Variants in ACSS3 observed in about 807,000 individuals in gnomAD.
ACSS3 encodes the protein acyl-CoA synthetase short chain family member 3.
ACSS3 carries 64 observed loss-of-function variants against 84.2 expected under a neutral mutation model. The observed-to-expected ratio is 0.76, with a 90% CI of 0.62 to 0.94. The LOEUF is 0.94. Ranked by LOEUF, ACSS3 falls within the 40% of genes least tolerant of loss-of-function variation. The pLI is 0.00. For synonymous variants in ACSS3, 317 were observed against 310.1 expected (o/e 1.02, Z -0.23); for missense variants, 815 against 867.6 (o/e 0.94, Z 0.76).
chr12:81,116,695 C>A (rs1485663853), intron 2 of ACSS3, among the ~76,000 whole-genome samples: 1 of 152,054 alleles, frequency 6.6e-6, no homozygotes, highest in Non-Finnish European at 1.5e-5. Context: ...TTCAGTTTTT[C>A]ACCTACACAG....
At chr12:81,211,089 G>A (rs888171294) in intron 9 of ACSS3, among the ~76,000 whole-genome samples, 1 of 151,834 alleles carries the variant, frequency 6.6e-6, no homozygotes, top group Non-Finnish European at 1.5e-5. Context: ...ACCTCAGCCT[G>A]CCCAATAGCT....
At chr12:81,100,216 G>GGT (rs1882390939) in intron 1 of ACSS3, among the ~76,000 whole-genome samples, 1 of 106,558 alleles carries the variant, frequency 9.4e-6, no homozygotes, top group African/African-American at 3.4e-5. Flanking sequence ...AAAATTACCA[G>GGT]TTTTTTTTTT....
At chr12:81,103,999 C>T (rs1391708614) in intron 1 of ACSS3, among the ~76,000 whole-genome samples, 1 of 152,030 alleles carries the variant, frequency 6.6e-6, no homozygotes, top group Non-Finnish European at 1.5e-5. Flanking sequence ...TCTTGGACTA[C>T]AGTAAAAGAT....
rs60835649 is a variant in ACSS3, at chr12:81,165,652, A to G, written c.1099-9136A>G. ...CAGAGCGAGACTCTGTCTCAAAAAG[A>G]AAAAAAAAAAGATTAATATAAAGTA... is the stretch of plus-strand genomic sequence containing the variant. On this transcript the variant is annotated intron_variant, in intron 7 of 15. Transcript: ENST00000548058. Among the ~76,000 whole-genome samples the G allele has an allele frequency of 2.6e-3, 210 of 80,182 alleles. 3 individuals carry two copies. The East Asian group carries it at 0.18, about 67-fold the overall frequency. 52.6% of individuals were successfully genotyped at this position (80,182 alleles called of 152,430 possible). A position where few individuals can be genotyped will look rare whatever the true frequency, so the allele number is the denominator to read the frequency against.
intron 1 of ACSS3, among the ~76,000 whole-genome samples, chr12:81,108,898 A>G (rs1448797661): frequency 6.6e-6 from 1 of 152,168 alleles, no homozygotes; most frequent in Non-Finnish European, 1.5e-5. Context: ...CCATGTATCT[A>G]CATGGTTTCT....
At chr12:81,248,292 T>C (rs959269845) in intron 13 of ACSS3, among the ~76,000 whole-genome samples, 2 of 152,014 alleles carry the variant, frequency 1.3e-5, no homozygotes, top group Admixed American at 6.6e-5. Flanking sequence ...AGCAAAGATA[T>C]AGAATCAACC....
At chr12:81,167,989 A>G (rs1204624473) in intron 7 of ACSS3, among the ~76,000 whole-genome samples, 1 of 152,194 alleles carries the variant, frequency 6.6e-6, no homozygotes, top group African/African-American at 2.4e-5. Flanking sequence ...AAACTGATAG[A>G]AAGTATTAAT....
At chr12:81,148,492 T>C (rs1360327651) in intron 5 of ACSS3, among the ~76,000 whole-genome samples, 1 of 152,182 alleles carries the variant, frequency 6.6e-6, no homozygotes, top group African/African-American at 2.4e-5. Context: ...TTGGATTTTT[T>C]AAACACCATA....
chr12:81,250,922 A>G (rs1214128962), intron 13 of ACSS3, among the ~76,000 whole-genome samples: 1 of 152,176 alleles, frequency 6.6e-6, no homozygotes, highest in Non-Finnish European at 1.5e-5. Context: ...TAAAACATAT[A>G]TCTGGCAGTA....
At chr12:81,119,021 A>G (rs1436594164) in intron 2 of ACSS3, among the ~76,000 whole-genome samples, 1 of 152,138 alleles carries the variant, frequency 6.6e-6, no homozygotes, top group Non-Finnish European at 1.5e-5. Context: ...GGTTCTTTCT[A>G]ATTTCCCTAA....
Position 81,195,382 on chromosome 12 carries a change from C to T in ACSS3, c.1251-3959C>T, listed in dbSNP as rs144672386. The stretch of plus-strand genomic sequence containing the variant: ...ATAGGTATATCAACCTCATTTTAAA[C>T]GTTAAAACTTTACACTAATCTTTGT... On this transcript the variant is annotated intron_variant, in intron 8 of 15. Transcript: ENST00000548058. Among the ~76,000 whole-genome samples the T allele has an allele frequency of 1.1e-4, 16 of 151,912 alleles. No individual in the cohort carries two copies. The East Asian group carries it at 1.2e-3, about 11-fold the overall frequency.
intron 7 of ACSS3, among the ~76,000 whole-genome samples, chr12:81,168,677 G>T (rs1238817560): frequency 6.6e-6 from 1 of 152,168 alleles, no homozygotes; most frequent in Non-Finnish European, 1.5e-5. Context: ...CCAGTCTAGA[G>T]TCTGGTTTAT....
rs147579759 is a variant in ACSS3, at chr12:81,147,227, C to T, written c.921+3980C>T. ...GATATTTCATGTTTGATGAAATATCCCGAATAGAAACTTTTTATGCCTTCT... is the reference window on the plus strand; with the variant it reads ...GATATTTCATGTTTGATGAAATATCTCGAATAGAAACTTTTTATGCCTTCT... On this transcript the variant is annotated intron_variant, in intron 5 of 15. Coordinates refer to ENST00000548058, the MANE Select transcript of ACSS3 (RefSeq NM_024560.4). 1.8e-3 allele frequency among the ~76,000 whole-genome samples: 275 copies of T among 152,174 alleles called. 1 individual carries two copies. The highest frequency in any genetic ancestry group is 6.3e-3 in the African/African-American group (263 of 41,524).
At chr12:81,253,179 A>T in intron 13 of ACSS3, 128 bp from the exon 14 acceptor site, 2 of 988,160 alleles carry the variant, frequency 2.0e-6, no homozygotes, top group Non-Finnish European at 3.0e-6. Context: ...GGCTTGTCTT[A>T]CATGCACTTT....
chr12:81,157,931 TACACAC>T (rs35855433), intron 7 of ACSS3, among the ~76,000 whole-genome samples: 2,615 of 144,094 alleles, frequency 0.018, 30 homozygotes, highest in Middle Eastern at 0.036. Context: ...GATTACAGAA[TACACAC>T]ACACACACAC....
chr12:81,146,958 A>T (rs1886370572), intron 5 of ACSS3, among the ~76,000 whole-genome samples: 1 of 152,156 alleles, frequency 6.6e-6, no homozygotes. Context: ...AAAGTGGTAG[A>T]TAAGGCCTTT....
chr12:81,229,300 A>G (rs1420437798), intron 11 of ACSS3, among the ~76,000 whole-genome samples: 1 of 151,818 alleles, frequency 6.6e-6, no homozygotes, highest in Non-Finnish European at 1.5e-5. Context: ...ATTATCATTT[A>G]TTTTACATAC....
intron 2 of ACSS3, chr12:81,125,556 A>G (rs1885031091): frequency 6.6e-6 from 1 of 151,938 alleles, no homozygotes; most frequent in Non-Finnish European, 1.5e-5. Context: ...TCCTTCTTAA[A>G]TGCTTCTTTT....
chr12:81,179,074 G>A (rs922250346), intron 8 of ACSS3, among the ~76,000 whole-genome samples: 3 of 151,994 alleles, frequency 2.0e-5, no homozygotes, highest in Admixed American at 6.6e-5. Context: ...ATGGAGCTAG[G>A]ATAACTGGCT....
Sources: allele counts gnomAD v4.1 joint callset (sites outside exome capture counted in the v4.1 genomes callset), GRCh38; gene constraint gnomAD v4.1.1; transcripts MANE v1.5; gene names NCBI Gene and HGNC (gene_info 2026-07-23, HGNC 2026-07-21).